The following PTRH1 variants were observed in gnomAD, a reference collection of about 807,000 sequenced individuals.
The protein encoded by PTRH1 is peptidyl-tRNA hydrolase.
Under a neutral mutation model 15.7 loss-of-function variants are expected in PTRH1, and 13 were observed. That is an observed-to-expected ratio of 0.83 (90% CI 0.54 to 1.31). The LOEUF is 1.31. Among genes scored for constraint, PTRH1 ranks in the 40% most tolerant of loss-of-function variants. The pLI is 0.00. For missense variants in PTRH1, 319 were observed against 296.2 expected, an observed-to-expected ratio of 1.08 and a Z score of -0.56; for synonymous variants, 139 against 136.7, an observed-to-expected ratio of 1.02 and a Z score of -0.12.
chr9:127,698,529 GA>G (rs1842579447), intron 1 of PTRH1, among the ~76,000 whole-genome samples: 1 of 151,776 alleles, frequency 6.6e-6, no homozygotes, highest in Admixed American at 6.6e-5. Context: ...CTACAAAAAA[GA>G]AAAAGAAAAA....
intron 1 of PTRH1, chr9:127,707,205 G>A (rs532700470): frequency 4.4e-5 from 70 of 1,606,956 alleles, no homozygotes; most frequent in Non-Finnish European, 5.9e-5. Context: ...GCGTGGGCTG[G>A]CGGGCAGGAG....
intron 1 of PTRH1, among the ~76,000 whole-genome samples, chr9:127,704,907 C>A (rs1842631142): frequency 1.3e-5 from 2 of 152,158 alleles, no homozygotes; most frequent in South Asian, 4.1e-4. Context: ...TGCCACCAGG[C>A]CTGGTTAATT....
chr9:127,713,717 G>A, downstream of PTRH1: 2 of 778,524 alleles, frequency 2.6e-6, no homozygotes, highest in Non-Finnish European at 4.5e-6. Flanking sequence ...ATGTTGGCCA[G>A]GCTGGTCTCG....
At position 127,715,628 on chromosome 9, in the gene PTRH1, G is replaced by A; in HGVS notation, c.12C>T (p.Gly4=). The change falls in exon 1 of 5, where the codon GGC becomes GGT. Residue 4 remains glycine (G), a synonymous_variant. Coordinates refer to ENST00000543175, the MANE Select transcript of PTRH1 (RefSeq NM_001002913.3). This position sits in a 1 kb window ranked among gnomAD's most constrained non-coding sequence, Gnocchi z 5.8. ...GCCGCTGTCCGGCGCCCAAAAAGCC[G>A]CCCGGCCTCATGCTGCCCCCATTCA... MRP[G]GFLGAGQRLS... The A allele has an allele frequency of 6.2e-7, 1 of 1,612,154 alleles. No homozygotes were observed. The highest frequency in any genetic ancestry group is 8.5e-7 in the Non-Finnish European group (1 of 1,179,866).
downstream of PTRH1, chr9:127,713,021 C>T (rs781442675): frequency 1.4e-5 from 23 of 1,612,688 alleles, no homozygotes; most frequent in Admixed American, 1.0e-4. Flanking sequence ...TCCCCACAGC[C>T]GGCCCAGCAT....
chr9:127,708,808 G>A (rs1167167139), downstream of PTRH1, among the ~76,000 whole-genome samples: 4 of 152,250 alleles, frequency 2.6e-5, no homozygotes, highest in Non-Finnish European at 5.9e-5. Flanking sequence ...GCCAAGAAGG[G>A]TCCACTGAGG....
intron 1 of PTRH1, chr9:127,707,015 C>T (rs1400835290): frequency 1.2e-6 from 2 of 1,612,952 alleles, no homozygotes; most frequent in Non-Finnish European, 1.7e-6. Flanking sequence ...GGCCTGGAGC[C>T]CTGGTTGCCA....
At position 127,715,027 on chromosome 9, in the gene PTRH1, C is replaced by T; in HGVS notation, c.264G>A (p.Leu88=). ...CGTTCATAAGCCGCCGTGGCCGGAG[C>T]AGGACCAGTTGGGCATCCCCCAGCG... The part of the protein sequence containing the change: ...LAPLGDAQLV[L]LRPRRLMNAN... The change falls in exon 2 of 5, where the codon CTG becomes CTA. Residue 88 remains leucine (L), a synonymous_variant. Transcript: ENST00000543175. This position sits in a 1 kb window ranked among gnomAD's most constrained non-coding sequence, Gnocchi z 5.8. The T allele has an allele frequency of 6.6e-7, 1 of 1,519,566 alleles. No individual in the cohort carries two copies. The allele number at this position is 1,519,566 out of a possible 1,614,324, so 94.1% of individuals were successfully genotyped here.
downstream of PTRH1, chr9:127,713,289 G>A (rs1842811763): frequency 9.4e-7 from 1 of 1,060,404 alleles, no homozygotes; most frequent in African/African-American, 1.6e-5. Flanking sequence ...CCACAGCTGT[G>A]TGGCCCTGGG....
At chr9:127,707,988 G>A (rs966015278) in intron 1 of PTRH1, among the ~76,000 whole-genome samples, 23 of 152,116 alleles carry the variant, frequency 1.5e-4, no homozygotes, top group African/African-American at 5.3e-4. Flanking sequence ...GAGAGGTCCT[G>A]ATGTCATCCC....
At chr9:127,713,549 C>T (rs1301829981), downstream of PTRH1, 3 of 258,952 alleles carry the variant, frequency 1.2e-5, no homozygotes, top group Non-Finnish European at 2.1e-5. Flanking sequence ...CTCTGTCACC[C>T]AGACTGGAGT....
chr9:127,714,926 A>ACCCCCC, intron 2 of PTRH1, 49 bp downstream of exon 2: 1 of 629,304 alleles, frequency 1.6e-6, no homozygotes, highest in East Asian at 3.6e-5. Context: ...CCGCGCCCCA[A>ACCCCCC]CCCCCACCCC....
downstream of PTRH1, among the ~76,000 whole-genome samples, chr9:127,710,085 C>G (rs1029704437): frequency 2.6e-5 from 4 of 152,078 alleles, no homozygotes; most frequent in Admixed American, 6.5e-5. Context: ...CAAGCCTAGG[C>G]AACATAGCGA....
chr9:127,697,011 A>G (rs144644721), intron 1 of PTRH1, among the ~76,000 whole-genome samples: 158 of 152,350 alleles, frequency 1.0e-3, no homozygotes, highest in Non-Finnish European at 2.0e-3. Context: ...GTGGAAATAA[A>G]GTGGTACAAT....
chr9:127,696,624 C>A (rs1842563025), intron 1 of PTRH1, among the ~76,000 whole-genome samples: 1 of 152,096 alleles, frequency 6.6e-6, no homozygotes. Context: ...CTTTGGGAGG[C>A]CAAGGAGGGT....
rs759710036 is a variant in PTRH1, at chr9:127,713,935, T to G, written c.*165A>C. 1 of 1,603,888 alleles carries G rather than the reference T, an allele frequency of 6.2e-7. No individual in the cohort carries two copies. Among genetic ancestry groups the G allele is most frequent in the Non-Finnish European group, 8.5e-7 (1 of 1,170,958 alleles). On this transcript the variant is annotated 3_prime_UTR_variant, in exon 5 of 5. Transcript: ENST00000543175. The stretch of plus-strand genomic sequence containing the variant: ...CAGAGAGAAGAACCTACTCCAGAAA[T>G]GGACTGGTCCAGTCACAGTCACCCC...
chr9:127,707,047 A>T (rs1842657648), intron 1 of PTRH1: 1 of 1,613,810 alleles, frequency 6.2e-7, no homozygotes. Context: ...TCCCAAAAAG[A>T]GTGTGAGCAA....
At chr9:127,712,905 G>A, downstream of PTRH1, 2 of 1,597,224 alleles carry the variant, frequency 1.3e-6, no homozygotes, top group African/African-American at 2.7e-5. Flanking sequence ...TGGCCTCAGA[G>A]GCAGCCACAG....
downstream of PTRH1, chr9:127,711,395 A>G (rs1247388288): frequency 6.2e-7 from 1 of 1,614,068 alleles, no homozygotes; most frequent in Non-Finnish European, 8.5e-7. Flanking sequence ...GCTGCAGGAG[A>G]ATGAGCAGCT....
Sources: allele counts gnomAD v4.1 joint callset (sites outside exome capture counted in the v4.1 genomes callset), GRCh38; gene constraint gnomAD v4.1.1; non-coding constraint Gnocchi (gnomAD v3.1); transcripts MANE v1.5; gene names NCBI Gene and HGNC (gene_info 2026-07-23, HGNC 2026-07-21).